PKD1L1: variants seen among roughly 807,000 people sequenced by gnomAD.
The protein encoded by PKD1L1 is polycystin 1 like 1, transient receptor potential channel interacting, also known as polycystin-1-like protein 1.
A neutral mutation model predicts 323.4 loss-of-function variants in PKD1L1; 236 were observed. That is an observed-to-expected ratio of 0.73 (90% CI 0.66 to 0.81). The LOEUF (loss-of-function observed/expected upper bound fraction) is 0.81, where lower values mean the gene tolerates loss of function less well. PKD1L1 is among the 40% of genes least tolerant of loss of function. The pLI is 0.00. For missense variants in PKD1L1, 3,320 were observed against 3,508.0 expected (o/e 0.95, Z 1.35); for synonymous variants, 1,344 against 1,335.0 (o/e 1.01, Z -0.15).
At chr7:47,843,976 C>T (rs1562956291) in intron 33 of PKD1L1, among the ~76,000 whole-genome samples, 1 of 152,112 alleles carries the variant, frequency 6.6e-6, no homozygotes, top group East Asian at 1.9e-4. Flanking sequence ...GAGCTCTGCC[C>T]CACGAGCTCT....
chr7:47,786,135 C>T (rs1786801710), intron 56 of PKD1L1, among the ~76,000 whole-genome samples: 1 of 152,150 alleles, frequency 6.6e-6, no homozygotes, highest in Non-Finnish European at 1.5e-5. Context: ...TTAGAAAATA[C>T]CAAAGTCAAT....
Position 47,800,798 on chromosome 7 carries a change from A to G in PKD1L1, c.8044T>C (p.Phe2682Leu). The change falls in exon 54 of 57, where the codon TTC becomes CTC. Residue 2682 changes from phenylalanine (F) to leucine (L), a missense_variant. Physicochemically the swap from Phe to Leu is conservative, Grantham distance 22. Coordinates refer to ENST00000289672, the MANE Select transcript of PKD1L1 (RefSeq NM_138295.5). ...LSMWVLPPGTFTDAFPGLLFH... is the reference protein window; with the variant it reads ...LSMWVLPPGTLTDAFPGLLFH... ...AGCAGCCCGGGGAAGGCGTCTGTGA[A>G]GGTGCCAGGTGGTAGAACCCACATA... 1 of 1,614,118 alleles carries G rather than the reference A, an allele frequency of 6.2e-7. No individual in the cohort carries two copies. The highest frequency in any genetic ancestry group is 8.5e-7 in the Non-Finnish European group (1 of 1,180,018).
At chr7:47,874,100 T>C (rs886696210) in intron 23 of PKD1L1, 90 bp from the exon 24 acceptor site, 35 of 797,882 alleles carry the variant, frequency 4.4e-5, no homozygotes, top group Non-Finnish European at 6.7e-5. Flanking sequence ...TCTGGATGAC[T>C]AAAACTGTGA....
At chr7:47,817,964 CTT>C in intron 46 of PKD1L1, 1 of 1,086,536 alleles carries the variant, frequency 9.2e-7, no homozygotes, top group Non-Finnish European at 1.2e-6. Context: ...GAAATGATCT[CTT>C]ATCCTTTCAA....
Position 47,858,778 on chromosome 7 carries a change from G to A in PKD1L1, c.4257C>T (p.Leu1419=), listed in dbSNP as rs141331339. The A allele has an allele frequency of 1.7e-4, 271 of 1,614,066 alleles. No homozygotes were observed. The highest frequency in any genetic ancestry group is 2.2e-4 in the Non-Finnish European group (260 of 1,180,040). ...FVIDKGVRLE[L]IGLISRVWEV... is the part of the protein sequence containing the mutation. ...CCCAGACTCTGGATATGAGACCGAT[G>A]AGCTCAAGCCTCACTCCTTTGTCAA... The change falls in exon 27 of 57, where the codon CTC becomes CTT. Residue 1419 remains leucine, a synonymous_variant. Coordinates refer to ENST00000289672, the MANE Select transcript of PKD1L1 (RefSeq NM_138295.5).
chr7:47,814,112 A>C (rs1584962243), intron 47 of PKD1L1, 98 bp from the exon 48 acceptor site: 1 of 860,880 alleles, frequency 1.2e-6, no homozygotes, highest in Non-Finnish European at 1.9e-6. Flanking sequence ...GGGTAACTCC[A>C]CCTGCTACCA....
intron 42 of PKD1L1, among the ~76,000 whole-genome samples, chr7:47,830,833 C>T (rs1039969616): frequency 1.3e-5 from 2 of 152,136 alleles, no homozygotes; most frequent in Non-Finnish European, 2.9e-5. Context: ...ATCCCTGTCC[C>T]GAAGGCATAC....
intron 6 of PKD1L1, among the ~76,000 whole-genome samples, 179 bp downstream of exon 6, chr7:47,930,925 G>C (rs1787756098): frequency 6.6e-6 from 1 of 152,256 alleles, no homozygotes; most frequent in African/African-American, 2.4e-5. Context: ...ATGGGTCCCT[G>C]ATGGCAAACA....
At position 47,826,104 on chromosome 7, in the gene PKD1L1, C is replaced by T. The variant is rs559584674; in HGVS notation, c.6854+1246G>A. The stretch of plus-strand genomic sequence containing the variant: ...TGACTCTGCAAACTCCTCCAAGATG[C>T]GCCCACCACACTCCCAGTGAACAAC... On this transcript the variant is annotated intron_variant, in intron 45 of 56. Transcript: ENST00000289672. 7.2e-5 allele frequency among the ~76,000 whole-genome samples: 11 copies of T among 152,200 alleles called. No homozygotes were observed. In the East Asian group the frequency reaches 9.7e-4, roughly 13 times the overall value.
chr7:47,932,970 C>A (rs1003963080), intron 4 of PKD1L1, among the ~76,000 whole-genome samples: 2 of 152,236 alleles, frequency 1.3e-5, no homozygotes, highest in African/African-American at 4.8e-5. Flanking sequence ...CAAGAGTCAT[C>A]ATTCTAGTGC....
rs1206309912 is a variant in PKD1L1 at position 47,846,990 on chromosome 7, TTC to T, written c.5040_5041del (p.Asn1681LeufsTer21). The stretch of plus-strand genomic sequence containing the variant: ...GATCCACTGGAAATGTACTGTATAG[TTC>T]ACTGCCTTAGCTAAATATCTGTTTG... On this transcript the variant is annotated frameshift_variant, in exon 32 of 57. Transcript: ENST00000289672. LOFTEE classifies it high-confidence loss of function. 1 of 1,613,446 alleles carries T rather than the reference TTC, an allele frequency of 6.2e-7. No homozygotes were observed. The highest frequency in any genetic ancestry group is 8.5e-7 in the Non-Finnish European group (1 of 1,179,696).
At position 47,839,450 on chromosome 7, in the gene PKD1L1, C is replaced by G; in HGVS notation, c.5765G>C (p.Arg1922Pro). Residue 1922 changes from arginine to proline, a missense_variant, in exon 36 of 57, where the codon CGG becomes CCG. By Grantham distance (103) the Arg-to-Pro change is moderately radical (BLOSUM62 -2). Transcript: ENST00000289672. This position sits in a 1 kb window ranked among gnomAD's most constrained non-coding sequence, Gnocchi z 4.3. Reference protein sequence around the residue: ...LTCLQGGLGFRKLFYCKFTEY... With the variant: ...LTCLQGGLGFPKLFYCKFTEY... The stretch of plus-strand genomic sequence containing the variant: ...GGCCACCTGGAGGGAGCCTACCTTC[C>G]GGAAGCCGAGTCCCCCTTGCAGACA... 6.2e-7 allele frequency: 1 copy of G among 1,606,158 alleles called. No homozygotes were observed. Among genetic ancestry groups the G allele is most frequent in the Non-Finnish European group, 8.5e-7 (1 of 1,175,866 alleles).
intron 52 of PKD1L1, among the ~76,000 whole-genome samples, chr7:47,804,930 C>T (rs1381380434): frequency 6.6e-6 from 1 of 152,084 alleles, no homozygotes; most frequent in Non-Finnish European, 1.5e-5. Flanking sequence ...TATAAACCTC[C>T]TGTGGACAGA....
intron 13 of PKD1L1, among the ~76,000 whole-genome samples, chr7:47,900,818 T>C (rs1309224449): frequency 6.6e-6 from 1 of 152,212 alleles, no homozygotes; most frequent in Admixed American, 6.5e-5. Context: ...AATCTTTATG[T>C]ATGATTTAAC....
chr7:47,938,627 C>T (rs1193076410), intron 3 of PKD1L1, among the ~76,000 whole-genome samples: 1 of 152,202 alleles, frequency 6.6e-6, no homozygotes, highest in East Asian at 1.9e-4. Context: ...CTGTAGAGAG[C>T]AGAGCGGCCA....
At chr7:47,892,824 C>A (rs1786850303) in intron 15 of PKD1L1, among the ~76,000 whole-genome samples, 1 of 151,818 alleles carries the variant, frequency 6.6e-6, no homozygotes. Flanking sequence ...AAGACCCTGG[C>A]AGCTCAAACC....
At chr7:47,938,194 G>A (rs1424370963) in intron 3 of PKD1L1, among the ~76,000 whole-genome samples, 2 of 152,154 alleles carry the variant, frequency 1.3e-5, no homozygotes, top group Non-Finnish European at 2.9e-5. Context: ...TGGGATGTGC[G>A]CTCCCTGTGC....
At chr7:47,879,420 T>A (rs1330608559) in intron 21 of PKD1L1, among the ~76,000 whole-genome samples, 1 of 151,710 alleles carries the variant, frequency 6.6e-6, no homozygotes, top group Non-Finnish European at 1.5e-5. Flanking sequence ...TCACTTGAGG[T>A]CATGAGTTCG....
At chr7:47,861,761 G>A (rs1302100686) in intron 26 of PKD1L1, among the ~76,000 whole-genome samples, 4 of 151,150 alleles carry the variant, frequency 2.6e-5, no homozygotes, top group Non-Finnish European at 5.9e-5. Flanking sequence ...TGCGCCTGTA[G>A]TCTCAGCTGC....
Sources: allele counts gnomAD v4.1 joint callset (sites outside exome capture counted in the v4.1 genomes callset), GRCh38; gene constraint gnomAD v4.1.1; non-coding constraint Gnocchi (gnomAD v3.1); transcripts MANE v1.5; gene names NCBI Gene and HGNC (gene_info 2026-07-23, HGNC 2026-07-21).